Variants in NALF1 observed in about 807,000 individuals in gnomAD.
NALF1 encodes NALCN channel auxiliary factor 1.
NALF1 carries 3 observed loss-of-function variants against 48.4 expected under a neutral mutation model. The ratio of observed to expected loss-of-function variants is 0.06; its 90% confidence interval spans 0.03 to 0.16. The LOEUF is 0.16. Ranked by LOEUF, NALF1 falls within the 10% of genes least tolerant of loss-of-function variation. The pLI is 1.00. For synonymous variants in NALF1, 262 were observed against 245.7 expected (o/e 1.07, Z -0.62); for missense variants, 526 against 571.5 (o/e 0.92, Z 0.81).
At chr13:107,281,996 TGGATGG>T (rs1881397281) in intron 1 of NALF1, among the ~76,000 whole-genome samples, 1 of 152,210 alleles carries the variant, frequency 6.6e-6, no homozygotes, top group African/African-American at 2.4e-5. Context: ...GATGAGATTT[TGGATGG>T]GGACCCAGCC....
At position 107,577,951 on chromosome 13, in the gene NALF1, C is replaced by G. The variant is rs538574520; in HGVS notation, c.915+287731G>C. 7.9e-5 allele frequency among the ~76,000 whole-genome samples: 12 copies of G among 152,170 alleles called. No homozygotes were observed. In the East Asian group the frequency reaches 1.5e-3, roughly 20 times the overall value. On this transcript the variant is annotated intron_variant, in intron 1 of 2. Coordinates refer to ENST00000375915, the MANE Select transcript of NALF1 (RefSeq NM_001080396.3). ...TCATCAAGTAGCAGTTCTAATTTTT[C>G]CCTTTAGATGCAAATTTCCAGCTTA... is the stretch of plus-strand genomic sequence containing the variant.
At chr13:107,331,362 G>A (rs1190860204) in intron 1 of NALF1, among the ~76,000 whole-genome samples, 1 of 152,122 alleles carries the variant, frequency 6.6e-6, no homozygotes, top group Non-Finnish European at 1.5e-5. Context: ...TAAAGGCAAT[G>A]TTCTCATAGC....
chr13:107,652,582 C>T (rs1375334887), intron 1 of NALF1, among the ~76,000 whole-genome samples: 1 of 152,018 alleles, frequency 6.6e-6, no homozygotes, highest in Non-Finnish European at 1.5e-5. Context: ...GGTGCCCATC[C>T]CACATGTAAA....
chr13:107,294,108 G>A (rs74114101), intron 1 of NALF1, among the ~76,000 whole-genome samples: 122 of 152,232 alleles, frequency 8.0e-4, no homozygotes, highest in African/African-American at 2.7e-3. Context: ...TGTATGTGCT[G>A]TCTAGCTATC....
chr13:107,548,983 C>G (rs967426856), intron 1 of NALF1, among the ~76,000 whole-genome samples: 3 of 151,968 alleles, frequency 2.0e-5, no homozygotes, highest in African/African-American at 4.8e-5. Flanking sequence ...AATTGCACAT[C>G]GGCCAAGTAA....
chr13:107,572,263 T>A lies in NALF1; in HGVS notation c.915+293419A>T, dbSNP rs531358273. Among the ~76,000 whole-genome samples the A allele has an allele frequency of 3.9e-5, 6 of 152,292 alleles. No homozygotes were observed. The South Asian group carries it at 1.2e-3, about 32-fold the overall frequency. ...CACTGACTCTCTTGTTCTGGTCTAT[T>A]TTTTTCAACGACCTTCTGGTAATGA... On this transcript the variant is annotated intron_variant, in intron 1 of 2. Coordinates refer to ENST00000375915, the MANE Select transcript of NALF1 (RefSeq NM_001080396.3).
At chr13:107,835,979 T>C (rs1330899252) in intron 1 of NALF1, among the ~76,000 whole-genome samples, 1 of 152,086 alleles carries the variant, frequency 6.6e-6, no homozygotes, top group Non-Finnish European at 1.5e-5. Context: ...GTCTGCTTTT[T>C]TGTAGTTGTT....
In NALF1 at chr13:107,287,237, G is replaced by A. The variant is rs932647805; in HGVS notation, c.916-76482C>T. Reference sequence around the variant, plus strand: ...ATCAGCATCAACAGTTGGGAAAACTGATGAGGTACAAACATATCCAGACTT... The same window carrying A: ...ATCAGCATCAACAGTTGGGAAAACTAATGAGGTACAAACATATCCAGACTT... On this transcript the variant is annotated intron_variant, in intron 1 of 2. Coordinates refer to ENST00000375915, the MANE Select transcript of NALF1 (RefSeq NM_001080396.3). Among the ~76,000 whole-genome samples the A allele has an allele frequency of 1.3e-5, 2 of 152,190 alleles. 1 individual carries two copies. The highest frequency in any genetic ancestry group is 4.1e-4 in the South Asian group (2 of 4,824).
chr13:107,649,018 T>A (rs1880382665), intron 1 of NALF1, among the ~76,000 whole-genome samples: 1 of 152,242 alleles, frequency 6.6e-6, no homozygotes, highest in African/African-American at 2.4e-5. Flanking sequence ...TGCCCATTTT[T>A]AAATTTGTAC....
At chr13:107,683,048 A>C (rs1173285758) in intron 1 of NALF1, among the ~76,000 whole-genome samples, 1 of 152,170 alleles carries the variant, frequency 6.6e-6, no homozygotes, top group African/African-American at 2.4e-5. Flanking sequence ...GGATTGCCGG[A>C]GCCAGGAGTT....
intron 1 of NALF1, among the ~76,000 whole-genome samples, chr13:107,220,679 A>G (rs1879973406): frequency 6.6e-6 from 1 of 152,190 alleles, no homozygotes; most frequent in Non-Finnish European, 1.5e-5. Flanking sequence ...ATAGTGCTGT[A>G]AAATTTGAGG....
At chr13:107,577,302 C>G (rs935005292) in intron 1 of NALF1, among the ~76,000 whole-genome samples, 41 of 152,184 alleles carry the variant, frequency 2.7e-4, no homozygotes, top group Admixed American at 2.5e-3. Context: ...CAAGCAATTT[C>G]AAGCAAGGTA....
chr13:107,227,424 G>A (rs1028982569), intron 1 of NALF1, among the ~76,000 whole-genome samples: 3 of 152,166 alleles, frequency 2.0e-5, no homozygotes, highest in Non-Finnish European at 4.4e-5. Flanking sequence ...AAAATGTGTG[G>A]TAAACACCAG....
At chr13:107,463,142 G>A (rs1884946980) in intron 1 of NALF1, among the ~76,000 whole-genome samples, 1 of 152,164 alleles carries the variant, frequency 6.6e-6, no homozygotes, top group South Asian at 2.1e-4. Flanking sequence ...ACTAATACCA[G>A]ATACAGTGCT....
chr13:107,634,975 G>C (rs1171088271), intron 1 of NALF1, among the ~76,000 whole-genome samples: 1 of 152,026 alleles, frequency 6.6e-6, no homozygotes, highest in African/African-American at 2.4e-5. Flanking sequence ...CAAGCTGAAG[G>C]GTGACAGGTA....
chr13:107,477,008 A>G (rs1885184771), intron 1 of NALF1, among the ~76,000 whole-genome samples: 1 of 152,148 alleles, frequency 6.6e-6, no homozygotes, highest in South Asian at 2.1e-4. Flanking sequence ...ACTCTCACTA[A>G]TGGCATTTGC....
intron 1 of NALF1, among the ~76,000 whole-genome samples, chr13:107,430,023 T>C (rs1884349099): frequency 6.6e-6 from 1 of 152,190 alleles, no homozygotes; most frequent in Non-Finnish European, 1.5e-5. Context: ...AGATCATACT[T>C]GAATTTAGGT....
chr13:107,368,833 C>T (rs1883198620), intron 1 of NALF1, among the ~76,000 whole-genome samples: 1 of 152,180 alleles, frequency 6.6e-6, no homozygotes, highest in African/African-American at 2.4e-5. Context: ...TTTTGGGGGC[C>T]ACTATTCACG....
intron 1 of NALF1, among the ~76,000 whole-genome samples, chr13:107,435,442 C>G (rs1884448743): frequency 6.6e-6 from 1 of 152,104 alleles, no homozygotes; most frequent in South Asian, 2.1e-4. Context: ...TTGGCTGTTT[C>G]ATTTCTCTCA....
Sources: allele counts gnomAD v4.1 joint callset (sites outside exome capture counted in the v4.1 genomes callset), GRCh38; gene constraint gnomAD v4.1.1; transcripts MANE v1.5; gene names NCBI Gene and HGNC (gene_info 2026-07-23, HGNC 2026-07-21).